Variants in MAGI1 observed in about 807,000 individuals in gnomAD.
MAGI1 encodes membrane-associated guanylate kinase, WW and PDZ domain-containing protein 1.
MAGI1 carries 58 observed loss-of-function variants against 139.9 expected under a neutral mutation model. The observed-to-expected ratio is 0.41, with a 90% CI of 0.34 to 0.52. The LOEUF (loss-of-function observed/expected upper bound fraction) is 0.52, where lower values mean the gene tolerates loss of function less well. Ranked by LOEUF, MAGI1 falls within the 20% of genes least tolerant of loss-of-function variation. The probability of loss-of-function intolerance (pLI) is 0.12; values close to 1 mark genes in which losing one functional copy is unlikely to be tolerated. For synonymous variants in MAGI1, 812 were observed against 737.9 expected (o/e 1.10, Z -1.63); for missense variants, 1,874 against 1,901.6 (o/e 0.99, Z 0.27).
intron 1 of MAGI1, among the ~76,000 whole-genome samples, chr3:65,954,864 G>C (rs1229709954): frequency 6.6e-6 from 1 of 152,176 alleles, no homozygotes; most frequent in Non-Finnish European, 1.5e-5. Context: ...TGCCAGGTAA[G>C]GGCAGCTGTT....
At chr3:65,436,622 T>C (rs1254576668) in intron 10 of MAGI1, among the ~76,000 whole-genome samples, 1 of 152,218 alleles carries the variant, frequency 6.6e-6, no homozygotes, top group Non-Finnish European at 1.5e-5. Flanking sequence ...ATATGTTGGC[T>C]AGACTCTTGA....
At chr3:65,493,813 T>A (rs1205615438) in intron 2 of MAGI1, among the ~76,000 whole-genome samples, 182 bp from the exon 3 acceptor site, 1 of 152,176 alleles carries the variant, frequency 6.6e-6, no homozygotes, top group Non-Finnish European at 1.5e-5. Flanking sequence ...AACAGCATTC[T>A]CATTTCCACA....
intron 1 of MAGI1, among the ~76,000 whole-genome samples, chr3:66,027,297 T>A (rs903145121): frequency 5.3e-5 from 3 of 56,974 alleles, no homozygotes; most frequent in South Asian, 5.0e-4. Flanking sequence ...AATAAATAAA[T>A]AAATAAATAA....
rs1382542222 is a variant in MAGI1, at chr3:65,665,174, T to C, written c.314-43086A>G. Among the ~76,000 whole-genome samples, 4 of 152,188 alleles carry C rather than the reference T, an allele frequency of 2.6e-5. No homozygotes were observed. In the East Asian group the frequency reaches 7.7e-4, roughly 29 times the overall value. ...GCAAATTTCCTACCTCTTTAAAACT[T>C]ACCAGCCTTACAGAGAAAATGGTGT... On this transcript the variant is annotated intron_variant, in intron 1 of 22. Coordinates refer to ENST00000402939, the MANE Select transcript of MAGI1 (RefSeq NM_001033057.2).
At chr3:65,891,095 C>A (rs1336065952) in intron 1 of MAGI1, among the ~76,000 whole-genome samples, 1 of 151,804 alleles carries the variant, frequency 6.6e-6, no homozygotes, top group African/African-American at 2.4e-5. Context: ...CACCTGTAGT[C>A]CTAGCTACTT....
At chr3:65,443,778 G>A (rs943115414) in intron 7 of MAGI1, among the ~76,000 whole-genome samples, 2 of 152,130 alleles carry the variant, frequency 1.3e-5, no homozygotes, top group Non-Finnish European at 2.9e-5. Context: ...GCAAACTTAT[G>A]TAACACCACA....
chr3:65,875,724 T>A (rs768812044), intron 1 of MAGI1, among the ~76,000 whole-genome samples: 3 of 152,220 alleles, frequency 2.0e-5, no homozygotes, highest in Non-Finnish European at 4.4e-5. Flanking sequence ...TACAGTTTAG[T>A]GACCACAGCC....
chr3:65,524,394 G>T, intron 2 of MAGI1, among the ~76,000 whole-genome samples: 1 of 152,172 alleles, frequency 6.6e-6, no homozygotes, highest in East Asian at 1.9e-4. Context: ...TGAATAGAAA[G>T]TTTCTCTCAC....
chr3:65,889,991 A>T (rs1215573359), intron 1 of MAGI1, among the ~76,000 whole-genome samples: 1 of 152,224 alleles, frequency 6.6e-6, no homozygotes, highest in Non-Finnish European at 1.5e-5. Flanking sequence ...ACAGATTGTT[A>T]TCTTAATGTC....
At chr3:65,779,073 C>G (rs1679200717) in intron 1 of MAGI1, among the ~76,000 whole-genome samples, 1 of 152,200 alleles carries the variant, frequency 6.6e-6, no homozygotes, top group South Asian at 2.1e-4. Flanking sequence ...GGAAAAGAAA[C>G]CCTGTAGCAA....
intron 2 of MAGI1, among the ~76,000 whole-genome samples, chr3:65,556,481 G>C (rs1158590845): frequency 1.3e-5 from 2 of 152,148 alleles, no homozygotes; most frequent in Admixed American, 1.3e-4. Flanking sequence ...TCCGCTTTCA[G>C]AGTTCTCATT....
chr3:65,849,757 CTG>C (rs2059142709), intron 1 of MAGI1, among the ~76,000 whole-genome samples: 1 of 152,058 alleles, frequency 6.6e-6, no homozygotes, highest in South Asian at 2.1e-4. Context: ...AATGGTTAGA[CTG>C]TGTATTTTTC....
At chr3:65,485,290 T>C (rs919689316) in intron 3 of MAGI1, among the ~76,000 whole-genome samples, 2 of 152,128 alleles carry the variant, frequency 1.3e-5, no homozygotes, top group African/African-American at 2.4e-5. Context: ...CCTACAAAAA[T>C]AGGATGTTCA....
intron 2 of MAGI1, among the ~76,000 whole-genome samples, chr3:65,504,511 T>C (rs1293361723): frequency 2.0e-5 from 3 of 152,288 alleles, no homozygotes; most frequent in South Asian, 2.1e-4. Context: ...AACCAGGTTT[T>C]TGTTACTAGG....
chr3:65,531,570 G>T (rs563818753), intron 2 of MAGI1, among the ~76,000 whole-genome samples: 3 of 152,150 alleles, frequency 2.0e-5, no homozygotes, highest in Admixed American at 6.5e-5. Context: ...ACTACTATAG[G>T]TTTGCTCTCT....
intron 1 of MAGI1, among the ~76,000 whole-genome samples, chr3:65,689,973 C>T (rs1240703235): frequency 6.6e-6 from 1 of 152,110 alleles, no homozygotes; most frequent in African/African-American, 2.4e-5. Context: ...ATCTGTATCC[C>T]GTGCCCCTTC....
At chr3:65,450,836 A>G (rs189018872) in intron 6 of MAGI1, among the ~76,000 whole-genome samples, 8 of 152,364 alleles carry the variant, frequency 5.3e-5, no homozygotes, top group Admixed American at 1.3e-4. Flanking sequence ...CCTACAGAGA[A>G]CAGAAAGAAA....
intron 1 of MAGI1, among the ~76,000 whole-genome samples, chr3:65,875,953 T>G (rs1378044672): frequency 2.0e-5 from 3 of 152,024 alleles, no homozygotes; most frequent in African/African-American, 4.8e-5. Context: ...TTAAAGCAAG[T>G]GGACAGAAAA....
chr3:65,357,106 C>T lies in MAGI1; in HGVS notation c.3661G>A (p.Ala1221Thr), dbSNP rs149895880. ...TCCGGAACACCTTGTGGACCGGTGG[C>T]GGGGCCGTGGCGGTCGCTGCTGGGG... ...YDPSSDRHGP[A>T]TGPQGVPEVR... Residue 1221 changes from alanine (A) to threonine (T), a missense_variant, in exon 23 of 23, where the codon GCC (alanine) becomes ACC (threonine). Ala to Thr is a moderately conservative substitution (Grantham distance 58). Coordinates refer to ENST00000402939, the MANE Select transcript of MAGI1 (RefSeq NM_001033057.2). 2,158 of 1,612,606 alleles carry T rather than the reference C, an allele frequency of 1.3e-3. 3 individuals are homozygous for T. Among genetic ancestry groups the T allele is most frequent in the Admixed American group, 1.7e-3 (102 of 59,972 alleles).
Sources: gnomAD v4.1 joint callset for allele counts (sites outside exome capture counted in the v4.1 genomes callset) on GRCh38, gnomAD v4.1.1 for gene constraint, MANE v1.5 for transcripts, NCBI Gene and HGNC (gene_info 2026-07-23, HGNC 2026-07-21) for gene names.